MAPT: variants seen among roughly 807,000 people sequenced by gnomAD.
MAPT encodes microtubule-associated protein tau.
Under a neutral mutation model 67.9 loss-of-function variants are expected in MAPT, and 34 were observed. The observed-to-expected ratio is 0.50, with a 90% CI of 0.38 to 0.67. The LOEUF is 0.67. Ranked by LOEUF, MAPT falls within the 30% of genes least tolerant of loss-of-function variation. MAPT has a pLI of 0.00. For synonymous variants in MAPT, 456 were observed against 464.5 expected (o/e 0.98, Z 0.23); for missense variants, 881 against 1,115.2 (o/e 0.79, Z 2.99).
intron 1 of MAPT, among the ~76,000 whole-genome samples, chr17:45,920,857 G>T (rs567500193): frequency 2.0e-5 from 3 of 152,174 alleles, no homozygotes; most frequent in Non-Finnish European, 4.4e-5. Context: ...ACAAACTCAC[G>T]GCATGGAACC....
In MAPT at chr17:45,936,863, A is replaced by C. The variant is rs577892493; in HGVS notation, c.-17-25458A>C. 3.3e-5 allele frequency among the ~76,000 whole-genome samples: 5 copies of C among 152,302 alleles called. 1 individual carries two copies. In the East Asian group the frequency reaches 5.8e-4, roughly 18 times the overall value. ...TGTGTTCCTGAACACCCAGGAGGCT[A>C]TGAGAGCCACATATGCCTCCCAAAT... On this transcript the variant is annotated intron_variant, in intron 1 of 12. Coordinates refer to ENST00000262410, the MANE Select transcript of MAPT (RefSeq NM_001377265.1).
At chr17:45,898,568 A>G (rs1391939611) in intron 1 of MAPT, 5 of 152,158 alleles carry the variant, frequency 3.3e-5, no homozygotes, top group Admixed American at 2.6e-4. Flanking sequence ...AAATTTAAAG[A>G]AACTGTTTTA....
At chr17:45,934,048 C>T (rs958176626) in intron 1 of MAPT, among the ~76,000 whole-genome samples, 4 of 152,088 alleles carry the variant, frequency 2.6e-5, no homozygotes, top group African/African-American at 7.2e-5. Flanking sequence ...ATATTTTGCA[C>T]TCTTGATGTG....
rs17650901 is a variant in MAPT at position 45,962,325 on chromosome 17, A to G, written c.-13A>G. 303,719 of 1,610,688 alleles carry G rather than the reference A, an allele frequency of 0.19. 32,705 individuals carry two copies. The highest frequency in any genetic ancestry group is 0.22 in the Non-Finnish European group (260,976 of 1,178,884). On this transcript the variant is annotated 5_prime_UTR_variant, in exon 2 of 13. Transcript: ENST00000262410. ...CCTCTCCTCTTCTTTCCCCAGGTGA[A>G]CTTTGAACCAGGATGGCTGAGCCCC...
rs531187094 is a variant in MAPT, at chr17:46,009,541, G to A, written c.1999-769G>A. On this transcript the variant is annotated intron_variant, in intron 9 of 12. Coordinates refer to ENST00000262410, the MANE Select transcript of MAPT (RefSeq NM_001377265.1). ...GGAGCATTTGCTCAGCTTCCGTTAC[G>A]CACCTAGTGGCATTGTGGGTGGGAG... Among the ~76,000 whole-genome samples, 6 of 113,252 alleles carry A rather than the reference G, an allele frequency of 5.3e-5. No individual in the cohort carries two copies. In the South Asian group the frequency reaches 9.7e-4, roughly 18 times the overall value. 74.3% of individuals were successfully genotyped at this position (113,252 alleles called of 152,430 possible).
chr17:45,900,299 C>T (rs1024895435), intron 1 of MAPT, among the ~76,000 whole-genome samples: 3 of 152,198 alleles, frequency 2.0e-5, no homozygotes, highest in African/African-American at 7.2e-5. Flanking sequence ...CCTTTCCTGT[C>T]TCCAGGTGCC....
At chr17:45,946,598 T>TAAAAAAAAAAA (rs763910082) in intron 1 of MAPT, among the ~76,000 whole-genome samples, 2 of 60,886 alleles carry the variant, frequency 3.3e-5, no homozygotes, top group Non-Finnish European at 5.9e-5. Flanking sequence ...GACTCTGTCT[T>TAAAAAAAAAAA]AAAAAAAAAA....
chr17:45,947,650 T>A (rs1321920179), intron 1 of MAPT, among the ~76,000 whole-genome samples: 1 of 151,926 alleles, frequency 6.6e-6, no homozygotes, highest in Non-Finnish European at 1.5e-5. Flanking sequence ...GGCCTCCCAG[T>A]GTGCTGGGAT....
At chr17:46,014,197 T>C (rs2076005988) in intron 10 of MAPT, 46 bp from the exon 11 acceptor site, 5 of 1,088,156 alleles carry the variant, frequency 4.6e-6, no homozygotes, top group Non-Finnish European at 1.4e-6. Context: ...TCTGTCTTCC[T>C]CTCTCTCTGC....
At chr17:45,919,064 TAAA>T (rs80344216) in intron 1 of MAPT, among the ~76,000 whole-genome samples, 2 of 104,192 alleles carry the variant, frequency 1.9e-5, no homozygotes, top group Non-Finnish European at 2.0e-5. Flanking sequence ...TCTGTCTCAA[TAAA>T]AAAAAAAAAA....
chr17:46,002,175 C>G (rs982525021), intron 9 of MAPT, among the ~76,000 whole-genome samples: 1 of 152,194 alleles, frequency 6.6e-6, no homozygotes, highest in African/African-American at 2.4e-5. Flanking sequence ...CTCTGGACAT[C>G]GCCCGACAGG....
intron 3 of MAPT, chr17:45,977,104 G>A (rs1273789680): frequency 2.0e-5 from 3 of 152,880 alleles, no homozygotes; most frequent in Admixed American, 6.5e-5. Context: ...TGGACCCGGA[G>A]GGTGTCTGTG....
intron 1 of MAPT, among the ~76,000 whole-genome samples, chr17:45,930,608 C>T (rs948053446): frequency 1.3e-5 from 2 of 152,170 alleles, no homozygotes; most frequent in African/African-American, 4.8e-5. Context: ...CAGTAAATTA[C>T]AGAAACAGAA....
Position 45,983,659 on chromosome 17 carries a change from C to A in MAPT, c.1080C>A (p.Asp360Glu), listed in dbSNP as rs63750222. The A allele has an allele frequency of 1.2e-6, 2 of 1,613,934 alleles. No individual in the cohort carries two copies. The highest frequency in any genetic ancestry group is 1.1e-5 in the South Asian group (1 of 91,080). Residue 360 changes from aspartate (D) to glutamate (E), a missense_variant, in exon 5 of 13, where the codon GAC becomes GAA. By Grantham distance (45) the Asp-to-Glu change is conservative. This residue lies in a region of MAPT where 687 missense variants were observed against 766.1 expected (regional missense o/e 0.90). Coordinates refer to ENST00000262410, the MANE Select transcript of MAPT (RefSeq NM_001377265.1). ...VSTEIPASEP[D>E]GPSVGRAKGQ... is the part of the protein sequence containing the mutation. The stretch of plus-strand genomic sequence containing the variant: ...CAGAGATCCCAGCCTCAGAGCCCGA[C>A]GGGCCCAGTGTAGGGCGGGCCAAAG...
At chr17:45,948,478 T>C (rs140529746) in intron 1 of MAPT, among the ~76,000 whole-genome samples, 59 of 152,300 alleles carry the variant, frequency 3.9e-4, no homozygotes, top group Non-Finnish European at 7.8e-4. Context: ...AAGAACAAAC[T>C]GTGAATAAGG....
intron 1 of MAPT, among the ~76,000 whole-genome samples, chr17:45,918,431 G>T (rs531523719): frequency 6.6e-6 from 1 of 152,304 alleles, no homozygotes; most frequent in Non-Finnish European, 1.5e-5. Context: ...GTGACCTTGG[G>T]TAAGTAGCTG....
At position 46,026,111 on chromosome 17, in the gene MAPT, G is replaced by GC. The variant is rs2076797102; in HGVS notation, c.*1941dup. 1.3e-5 allele frequency: 2 copies of GC among 149,800 alleles called. No homozygotes were observed. The highest frequency in any genetic ancestry group is 6.7e-5 in the Admixed American group (1 of 15,010). The allele number at this position is 149,800 out of a possible 1,614,324, so 9.3% of individuals were successfully genotyped here. A position where few individuals can be genotyped will look rare whatever the true frequency, so the allele number is the denominator to read the frequency against. On this transcript the variant is annotated 3_prime_UTR_variant, in exon 13 of 13. Transcript: ENST00000262410. The stretch of plus-strand genomic sequence containing the variant: ...AAGAAAAAAAAAAAAAAAAAAGGAC[G>GC]CATGTATCTTGAAATGCTTGTAAAG...
intron 4 of MAPT, among the ~76,000 whole-genome samples, chr17:45,981,659 G>C (rs183043536): frequency 2.0e-5 from 3 of 152,224 alleles, no homozygotes; most frequent in African/African-American, 7.2e-5. Context: ...CACACATTTT[G>C]GATTTTCCAA....
At chr17:45,898,968 C>T (rs2063451242) in intron 1 of MAPT, among the ~76,000 whole-genome samples, 2 of 152,152 alleles carry the variant, frequency 1.3e-5, no homozygotes, top group African/African-American at 4.8e-5. Context: ...CCCAGAAACA[C>T]CCCCCTGGCC....
Sources: gnomAD v4.1 joint callset for allele counts (sites outside exome capture counted in the v4.1 genomes callset) on GRCh38, gnomAD v4.1.1 for gene constraint, gnomAD v4.1.1 regional missense constraint, MANE v1.5 for transcripts, NCBI Gene and HGNC (gene_info 2026-07-23, HGNC 2026-07-21) for gene names.